Variants in BAZ2B observed in about 807,000 individuals in gnomAD.
BAZ2B encodes bromodomain adjacent to zinc finger domain protein 2B.
BAZ2B carries 91 observed loss-of-function variants against 246.0 expected under a neutral mutation model. The observed-to-expected ratio is 0.37, with a 90% confidence interval of 0.31 to 0.44. The LOEUF (loss-of-function observed/expected upper bound fraction) is 0.44. Among genes scored for constraint, BAZ2B ranks in the 20% least tolerant of loss-of-function variants. BAZ2B has a pLI of 1.00. For synonymous variants in BAZ2B, 855 were observed against 860.0 expected (o/e 0.99, Z 0.10); for missense variants, 2,332 against 2,533.7 (o/e 0.92, Z 1.71).
chr2:159,662,840 C>T, the BAZ2B span, among the ~76,000 whole-genome samples: 1 of 151,920 alleles, frequency 6.6e-6, no homozygotes, highest in African/African-American at 2.4e-5. Context: ...CCCTTACTTT[C>T]GGTTTTTAAA....
chr2:159,651,787 G>T, the BAZ2B span, among the ~76,000 whole-genome samples: 4 of 151,942 alleles, frequency 2.6e-5, no homozygotes, highest in Non-Finnish European at 2.9e-5. Flanking sequence ...TATATAAATG[G>T]AGCCATAAAA....
chr2:159,633,545 A>G, the BAZ2B span, among the ~76,000 whole-genome samples: 106 of 152,262 alleles, frequency 7.0e-4, no homozygotes, highest in East Asian at 0.019. Flanking sequence ...CAAGCTATTC[A>G]TGGTACTACC....
chr2:159,590,813 G>A (rs1466866839), intron 1 of BAZ2B, among the ~76,000 whole-genome samples: 1 of 151,924 alleles, frequency 6.6e-6, no homozygotes, highest in Non-Finnish European at 1.5e-5. Context: ...TTTACAGTCT[G>A]GACTTTATCA....
At chr2:159,500,284 C>T (rs2081573222) in intron 2 of BAZ2B, among the ~76,000 whole-genome samples, 1 of 152,086 alleles carries the variant, frequency 6.6e-6, no homozygotes, top group Admixed American at 6.5e-5. Flanking sequence ...AGTCCTTTTC[C>T]CATTGCTTGT....
the BAZ2B span, among the ~76,000 whole-genome samples, chr2:159,624,450 T>G: frequency 6.6e-6 from 1 of 152,172 alleles, no homozygotes; most frequent in African/African-American, 2.4e-5. Flanking sequence ...GAGGTCTGGC[T>G]GGCCTCTGGC....
downstream of BAZ2B, among the ~76,000 whole-genome samples, chr2:159,315,727 A>G (rs142051111): frequency 5.3e-5 from 8 of 152,366 alleles, no homozygotes; most frequent in African/African-American, 1.9e-4. Flanking sequence ...GGGATTATAC[A>G]TGGGCATGAA....
At chr2:159,538,266 C>T (rs1311663957) in intron 2 of BAZ2B, among the ~76,000 whole-genome samples, 1 of 152,194 alleles carries the variant, frequency 6.6e-6, no homozygotes, top group African/African-American at 2.4e-5. Context: ...TATAGAAAGG[C>T]TTCTGATCTT....
rs370843516 is a variant in BAZ2B, at chr2:159,453,636, T to C, written c.311A>G (p.His104Arg). 2 of 1,610,348 alleles carry C rather than the reference T, an allele frequency of 1.2e-6. No homozygotes were observed. Among genetic ancestry groups the C allele is most frequent in the Non-Finnish European group, 1.7e-6 (2 of 1,178,208 alleles). The change falls in exon 4 of 37, where the codon CAT (histidine) becomes CGT (arginine). Residue 104 changes from histidine (H) to arginine (R), a missense_variant. Physicochemically the swap from His to Arg is conservative, Grantham distance 29 (BLOSUM62 0). This residue lies in a region of BAZ2B where 242 missense variants were observed against 237.4 expected (regional missense o/e 1.02). Coordinates refer to ENST00000392783, the MANE Select transcript of BAZ2B (RefSeq NM_013450.4). Reference sequence around the variant, plus strand: ...ACCTGGAAAAGATGCTAGTTGGGGATGTGCGGCTAAGGCTGTGGGTGTACC... The same window carrying C: ...ACCTGGAAAAGATGCTAGTTGGGGACGTGCGGCTAAGGCTGTGGGTGTACC... ...TLGTPTALAA[H>R]PQLASFPGAE...
At chr2:159,433,718 T>G (rs974501575) in intron 8 of BAZ2B, 4 of 171,662 alleles carry the variant, frequency 2.3e-5, no homozygotes, top group African/African-American at 9.6e-5. Context: ...TGTTTATTCT[T>G]CAAGATCCAA....
chr2:159,555,403 A>T (rs1020586335), intron 2 of BAZ2B: 1 of 152,050 alleles, frequency 6.6e-6, no homozygotes, highest in Non-Finnish European at 1.5e-5. Context: ...CCAAGGCTAC[A>T]TTTTCATAAT....
At chr2:159,329,274 G>A (rs910109303) in intron 34 of BAZ2B, among the ~76,000 whole-genome samples, 1 of 151,954 alleles carries the variant, frequency 6.6e-6, no homozygotes, top group African/African-American at 2.4e-5. Flanking sequence ...TTATTGCATA[G>A]TTTTATTGGG....
chr2:159,472,261 T>C (rs191050083), intron 3 of BAZ2B, among the ~76,000 whole-genome samples: 43 of 152,364 alleles, frequency 2.8e-4, no homozygotes, highest in African/African-American at 9.9e-4. Flanking sequence ...TGTTTGTCTA[T>C]TATTGCTGTA....
the BAZ2B span, among the ~76,000 whole-genome samples, chr2:159,661,894 A>G: frequency 2.6e-5 from 4 of 152,236 alleles, no homozygotes; most frequent in Admixed American, 2.6e-4. Flanking sequence ...TACAGGAGTA[A>G]GCCACCATGC....
At chr2:159,603,486 G>C (rs1263080555) in intron 1 of BAZ2B, among the ~76,000 whole-genome samples, 1 of 151,942 alleles carries the variant, frequency 6.6e-6, no homozygotes, top group Admixed American at 6.6e-5. Flanking sequence ...TACAATGAAA[G>C]AGTATCCCTC....
intron 31 of BAZ2B, among the ~76,000 whole-genome samples, chr2:159,340,059 G>A (rs776887668): frequency 7.2e-5 from 11 of 151,996 alleles, no homozygotes; most frequent in Admixed American, 5.2e-4. Context: ...AAAATCAACA[G>A]AGACAGATAT....
the BAZ2B span, among the ~76,000 whole-genome samples, chr2:159,703,167 A>G: frequency 6.6e-6 from 1 of 151,838 alleles, no homozygotes; most frequent in South Asian, 2.1e-4. Context: ...ACTTACTACA[A>G]CCTCTGCCTC....
chr2:159,328,876 C>T (rs2064185841), intron 34 of BAZ2B, among the ~76,000 whole-genome samples: 1 of 152,084 alleles, frequency 6.6e-6, no homozygotes, highest in African/African-American at 2.4e-5. Flanking sequence ...GCCTGTAATC[C>T]CAGCACTTTG....
the BAZ2B span, among the ~76,000 whole-genome samples, chr2:159,672,096 T>C: frequency 6.6e-6 from 1 of 152,224 alleles, no homozygotes; most frequent in African/African-American, 2.4e-5. Flanking sequence ...ATATTAGGCA[T>C]TACTATTTCA....
chr2:159,647,026 C>T, the BAZ2B span, among the ~76,000 whole-genome samples: 17 of 152,000 alleles, frequency 1.1e-4, no homozygotes, highest in African/African-American at 4.1e-4. Flanking sequence ...ATATATATTT[C>T]TAGGATGCAT....
Sources: gnomAD v4.1 joint callset for allele counts (sites outside exome capture counted in the v4.1 genomes callset) on GRCh38, gnomAD v4.1.1 for gene constraint, gnomAD v4.1.1 regional missense constraint, MANE v1.5 for transcripts, NCBI Gene and HGNC (gene_info 2026-07-23, HGNC 2026-07-21) for gene names.